NPEPPS: variants seen among roughly 807,000 people sequenced by gnomAD.
NPEPPS encodes the protein puromycin-sensitive aminopeptidase.
In NPEPPS, 14 loss-of-function variants were observed where a neutral mutation model predicts 115.5. The observed-to-expected ratio is 0.12, with a 90% CI of 0.08 to 0.19. The LOEUF is 0.19. Ranked by LOEUF, NPEPPS falls within the 10% of genes least tolerant of loss-of-function variation. The pLI is 1.00. For missense variants in NPEPPS, 523 were observed against 1,110.8 expected (o/e 0.47, Z 7.52); for synonymous variants, 285 against 390.6 (o/e 0.73, Z 3.19).
rs1269060745 is a variant in NPEPPS, at chr17:47,622,552, A to T, written c.*632A>T. 4.0e-6 allele frequency: 1 copy of T among 247,834 alleles called. No homozygotes were observed. Among genetic ancestry groups the T allele is most frequent in the Non-Finnish European group, 7.8e-6 (1 of 127,994 alleles). The allele number at this position is 247,834 out of a possible 1,614,324, so 15.4% of individuals were successfully genotyped here. On this transcript the variant is annotated 3_prime_UTR_variant, in exon 23 of 23. Transcript: ENST00000322157. ...CTGTGTGACCGACCCCTTGGCCAAAAAAAAACAAAAAGCAAAAAACAAAAA... is the reference window on the plus strand; with the variant it reads ...CTGTGTGACCGACCCCTTGGCCAAATAAAAACAAAAAGCAAAAAACAAAAA...
rs1912134870 is a variant in NPEPPS, at chr17:47,585,632, A to G, written c.781A>G (p.Lys261Glu). The G allele has an allele frequency of 6.2e-7, 1 of 1,613,986 alleles. No homozygotes were observed. The highest frequency in any genetic ancestry group is 8.5e-7 in the Non-Finnish European group (1 of 1,179,870). The change falls in exon 6 of 23, where the codon AAA (lysine) becomes GAA (glutamate). Residue 261 changes from lysine (K) to glutamate (E), a missense_variant. Coordinates refer to ENST00000322157, the MANE Select transcript of NPEPPS (RefSeq NM_006310.4). Reference sequence around the variant, plus strand: ...ATATGACTTTGTAGAAACAAGGTCAAAAGATGGTGTGTGTGTCCGTGTTTA... The same window carrying G: ...ATATGACTTTGTAGAAACAAGGTCAGAAGATGGTGTGTGTGTCCGTGTTTA... Reference protein sequence around the residue: ...GEYDFVETRSKDGVCVRVYTP... With the variant: ...GEYDFVETRSEDGVCVRVYTP...
intron 2 of NPEPPS, among the ~76,000 whole-genome samples, chr17:47,560,027 T>C (rs1335976475): frequency 6.6e-6 from 1 of 152,198 alleles, no homozygotes; most frequent in Admixed American, 6.5e-5. Context: ...AAAAGTGGCC[T>C]AGAATGCAAA....
chr17:47,569,549 C>G (rs1369349065), intron 3 of NPEPPS, 55 bp downstream of exon 3: 3 of 847,972 alleles, frequency 3.5e-6, no homozygotes, highest in Non-Finnish European at 5.8e-6. Context: ...CATCTGACTT[C>G]CTCCAGAGAA....
At chr17:47,555,981 CTTTTTTTTT>C (rs886460288) in intron 2 of NPEPPS, among the ~76,000 whole-genome samples, 14 of 63,056 alleles carry the variant, frequency 2.2e-4, no homozygotes, top group South Asian at 5.7e-4. Context: ...TTCTGTTTTA[CTTTTTTTTT>C]TTTTTTTTTT....
intron 19 of NPEPPS, among the ~76,000 whole-genome samples, chr17:47,617,500 T>C (rs919001875): frequency 3.3e-5 from 4 of 120,410 alleles, no homozygotes; most frequent in African/African-American, 5.3e-5. Context: ...CCCAGCCATA[T>C]ATATATATAT....
Position 47,568,685 on chromosome 17 carries a change from C to T in NPEPPS, c.341-732C>T, listed in dbSNP as rs183714108. Among the ~76,000 whole-genome samples, 870 of 151,336 alleles carry T rather than the reference C, an allele frequency of 5.7e-3. 3 individuals carry two copies. The highest frequency in any genetic ancestry group is 0.01 in the Middle Eastern group (3 of 294). On this transcript the variant is annotated intron_variant, in intron 2 of 22. Transcript: ENST00000322157. ...TTTTTTTTTTTTTGAGACAGAGTTT[C>T]TCTGTTGTTGTTTAGGCTGGAGTGC...
intron 3 of NPEPPS, among the ~76,000 whole-genome samples, chr17:47,571,674 C>T (rs184030655): frequency 3.8e-4 from 58 of 152,242 alleles, no homozygotes; most frequent in African/African-American, 1.3e-3. Flanking sequence ...GCCGAGATCG[C>T]ACCACTGCAC....
chr17:47,605,262 C>A, intron 16 of NPEPPS, 71 bp from the exon 17 acceptor site: 2 of 1,156,018 alleles, frequency 1.7e-6, no homozygotes, highest in Non-Finnish European at 2.5e-6. Flanking sequence ...GTAGATAATG[C>A]CAAAAATGCA....
chr17:47,546,652 G>T lies in NPEPPS; in HGVS notation c.340+659G>T, dbSNP rs374727830. On this transcript the variant is annotated intron_variant, in intron 2 of 22. Transcript: ENST00000322157. ...CTCGTGGGTTCAAGCAGTTCTCCCT[G>T]CCTCAGCCTCCTGAGTGGCTGAGAT... 1.4e-4 allele frequency among the ~76,000 whole-genome samples: 21 copies of T among 152,070 alleles called. No homozygotes were observed. The East Asian group carries it at 2.7e-3, about 20-fold the overall frequency.
intron 2 of NPEPPS, among the ~76,000 whole-genome samples, chr17:47,547,375 C>T (rs1909290128): frequency 1.3e-5 from 2 of 149,910 alleles, no homozygotes; most frequent in Non-Finnish European, 3.0e-5. Context: ...TTGAGAGAGT[C>T]TCGCTCTGTC....
In NPEPPS at chr17:47,603,955, G is replaced by A; in HGVS notation, c.1781G>A (p.Ser594Asn). 4.3e-6 allele frequency: 7 copies of A among 1,613,430 alleles called. No homozygotes were observed. The highest frequency in any genetic ancestry group is 5.9e-6 in the Non-Finnish European group (7 of 1,179,612). ...GTTGGGTTTTATCGGACCCAGTACA[G>A]CTCTGCCATGCTGGAAAGTTTATTA... is the stretch of plus-strand genomic sequence containing the variant. Reference protein sequence around the residue: ...GTVGFYRTQYSSAMLESLLPG... With the variant: ...GTVGFYRTQYNSAMLESLLPG... Residue 594 changes from serine (S) to asparagine (N), a missense_variant, in exon 16 of 23, where the codon AGC (serine) becomes AAC (asparagine). Physicochemically the swap from Ser to Asn is conservative, Grantham distance 46. Coordinates refer to ENST00000322157, the MANE Select transcript of NPEPPS (RefSeq NM_006310.4).
At position 47,618,967 on chromosome 17, in the gene NPEPPS, G is replaced by GT. The variant is rs768590160; in HGVS notation, c.2404-37dup. 32 of 1,590,552 alleles carry GT rather than the reference G, an allele frequency of 2.0e-5. No homozygotes were observed. In the African/African-American group the frequency reaches 3.9e-4, roughly 19 times the overall value. On this transcript the variant is annotated intron_variant, in intron 20 of 22. Transcript: ENST00000322157. ...GGTGCACTTTCTGGTACCAGAATATGTTTTTGATACACTAGACTTTTAGCT... is the reference window on the plus strand; with the variant it reads ...GGTGCACTTTCTGGTACCAGAATATGTTTTTTGATACACTAGACTTTTAGCT...
At chr17:47,539,417 A>C (rs1293406816) in intron 1 of NPEPPS, among the ~76,000 whole-genome samples, 1 of 152,186 alleles carries the variant, frequency 6.6e-6, no homozygotes, top group Non-Finnish European at 1.5e-5. Context: ...TCTCTTTAAA[A>C]TTTTATTTTA....
intron 12 of NPEPPS, among the ~76,000 whole-genome samples, chr17:47,594,593 T>TA (rs1428027200): frequency 2.1e-5 from 1 of 48,198 alleles, no homozygotes; most frequent in Non-Finnish European, 4.6e-5. Flanking sequence ...TATTTTATTT[T>TA]ATGTTATGTT....
chr17:47,619,020 T>C lies in NPEPPS; in HGVS notation c.2415T>C (p.Arg805=). ...CTTTCTTTTTTTAGGAAGAGGTACG[T>C]CCACAGGACACTGTATCGGTAATTG... ...VLTFALSEEV[R]PQDTVSVIGG... is the part of the protein sequence containing the mutation. Residue 805 remains arginine (R), a synonymous_variant, in exon 21 of 23, where the codon CGT becomes CGC. Transcript: ENST00000322157. The C allele has an allele frequency of 6.2e-7, 1 of 1,613,620 alleles. No individual in the cohort carries two copies.
At chr17:47,539,492 T>C (rs757113091) in intron 1 of NPEPPS, among the ~76,000 whole-genome samples, 3 of 149,890 alleles carry the variant, frequency 2.0e-5, no homozygotes, top group Non-Finnish European at 4.4e-5. Context: ...ATGTTAACGT[T>C]TTGCCCCATT....
At chr17:47,620,555 G>A (rs1914502640) in intron 22 of NPEPPS, among the ~76,000 whole-genome samples, 1 of 152,148 alleles carries the variant, frequency 6.6e-6, no homozygotes, top group Non-Finnish European at 1.5e-5. Flanking sequence ...ATAATCCCCA[G>A]GTTTCTGGTG....
chr17:47,552,520 A>G (rs1909722372), intron 2 of NPEPPS, among the ~76,000 whole-genome samples: 1 of 152,184 alleles, frequency 6.6e-6, no homozygotes, highest in Admixed American at 6.6e-5. Context: ...AGTAATATTG[A>G]GGGGCTGTCT....
In NPEPPS at chr17:47,619,764, A is replaced by G; in HGVS notation, c.2587A>G (p.Lys863Glu). The G allele has an allele frequency of 6.2e-7, 1 of 1,613,608 alleles. No homozygotes were observed. ...KLSVEGFAVD[K>E]MAGEVKAFFE... ...ATCAGTTGAGGGATTTGCAGTTGATAAAATGGCTGGAGAGGTTAAGGTAAG... is the reference window on the plus strand; with the variant it reads ...ATCAGTTGAGGGATTTGCAGTTGATGAAATGGCTGGAGAGGTTAAGGTAAG... The change falls in exon 22 of 23, where the codon AAA becomes GAA. Residue 863 changes from lysine (K) to glutamate (E), a missense_variant. By Grantham distance (56) the Lys-to-Glu change is moderately conservative. Around this residue, in one of 4 missense-constraint regions of NPEPPS, gnomAD observed 372 missense variants for 542.6 expected, o/e 0.69. Coordinates refer to ENST00000322157, the MANE Select transcript of NPEPPS (RefSeq NM_006310.4).
Sources: allele counts gnomAD v4.1 joint callset (sites outside exome capture counted in the v4.1 genomes callset), GRCh38; gene constraint gnomAD v4.1.1; regional missense constraint gnomAD v4.1.1; transcripts MANE v1.5; gene names NCBI Gene and HGNC (gene_info 2026-07-23, HGNC 2026-07-21).